MAP3K14: variants seen among roughly 807,000 people sequenced by gnomAD.
MAP3K14 encodes mitogen-activated protein kinase kinase kinase 14.
Under a neutral mutation model 99.2 loss-of-function variants are expected in MAP3K14, and 16 were observed. The ratio of observed to expected loss-of-function variants is 0.16; its 90% CI spans 0.11 to 0.24. The LOEUF (loss-of-function observed/expected upper bound fraction) is 0.24. Among genes scored for constraint, MAP3K14 ranks in the 10% least tolerant of loss-of-function variants. The probability of loss-of-function intolerance (pLI) is 1.00; values close to 1 mark genes in which losing one functional copy is unlikely to be tolerated. For synonymous variants in MAP3K14, 462 were observed against 492.4 expected (o/e 0.94, Z 0.82); for missense variants, 784 against 1,208.7 (o/e 0.65, Z 5.21).
At position 45,270,419 on chromosome 17, in the gene MAP3K14, G is replaced by C. The variant is rs1323168441; in HGVS notation, c.1966C>G (p.Gln656Glu). Residue 656 changes from glutamine to glutamate, a missense_variant, in exon 11 of 16, where the codon CAG (glutamine) becomes GAG (glutamate). Around this residue, in one of 5 missense-constraint regions of MAP3K14, gnomAD observed 200 missense variants for 367.9 expected, o/e 0.54. Transcript: ENST00000344686. Reference protein sequence around the residue: ...ELGGKVNRALQQVGGLKSPWR... With the variant: ...ELGGKVNRALEQVGGLKSPWR... ...AGCGTGGGGCTCTTCCTACCTTGCT[G>C]TAGTGCCCGGTTCACCTTCCCTCCC... is the stretch of plus-strand genomic sequence containing the variant. 1.9e-6 allele frequency: 3 copies of C among 1,611,312 alleles called. No individual in the cohort carries two copies. Among genetic ancestry groups the C allele is most frequent in the Non-Finnish European group, 2.5e-6 (3 of 1,179,446 alleles).
intron 1 of MAP3K14, among the ~76,000 whole-genome samples, chr17:45,305,166 C>T (rs935254567): frequency 3.9e-4 from 58 of 150,120 alleles, no homozygotes; most frequent in East Asian, 2.0e-4. Flanking sequence ...GACGCAATCT[C>T]GGCTCACTGC....
intron 1 of MAP3K14, among the ~76,000 whole-genome samples, chr17:45,307,825 C>T (rs1371500151): frequency 6.6e-6 from 1 of 152,336 alleles, no homozygotes; most frequent in East Asian, 1.9e-4. Flanking sequence ...AAACAAGAAA[C>T]CCAAAGAACT....
chr17:45,308,446 T>G (rs1427043076), intron 1 of MAP3K14, among the ~76,000 whole-genome samples: 2 of 152,098 alleles, frequency 1.3e-5, no homozygotes, highest in East Asian at 3.8e-4. Context: ...CTTGGAGGGG[T>G]GGGAGGTGGT....
intron 14 of MAP3K14, among the ~76,000 whole-genome samples, chr17:45,265,865 T>A (rs1456897731): frequency 1.3e-5 from 2 of 152,270 alleles, no homozygotes; most frequent in African/African-American, 4.8e-5. Flanking sequence ...GAGCTGGGGC[T>A]GGCTCCTATG....
At chr17:45,268,799 C>A (rs761499199) in intron 11 of MAP3K14, among the ~76,000 whole-genome samples, 2 of 152,122 alleles carry the variant, frequency 1.3e-5, no homozygotes, top group African/African-American at 2.4e-5. Flanking sequence ...TCAGGCGTGT[C>A]CCCATATGGA....
At chr17:45,287,424 C>A in intron 3 of MAP3K14, 60 bp from the exon 4 acceptor site, 1 of 1,456,522 alleles carries the variant, frequency 6.9e-7, no homozygotes, top group South Asian at 1.2e-5. Flanking sequence ...ATGGACTGGT[C>A]CAGACACTTG....
chr17:45,294,774 T>A (rs751372450), intron 1 of MAP3K14, among the ~76,000 whole-genome samples: 4 of 152,260 alleles, frequency 2.6e-5, no homozygotes, highest in Non-Finnish European at 5.9e-5. Flanking sequence ...GGCCAGAGAC[T>A]GCCACCTGAC....
At chr17:45,301,833 CTTTT>C (rs34664244) in intron 1 of MAP3K14, among the ~76,000 whole-genome samples, 6 of 134,304 alleles carry the variant, frequency 4.5e-5, no homozygotes, top group African/African-American at 1.1e-4. Flanking sequence ...TCTCAGTTCT[CTTTT>C]TTTTTTTTTT....
At chr17:45,276,313 T>C (rs1567990738) in intron 6 of MAP3K14, among the ~76,000 whole-genome samples, 1 of 152,174 alleles carries the variant, frequency 6.6e-6, no homozygotes, top group Non-Finnish European at 1.5e-5. Flanking sequence ...TGGCTCCGCC[T>C]TTTAAAACAA....
At position 45,266,988 on chromosome 17, in the gene MAP3K14, GCA is replaced by G; in HGVS notation, c.2433+102_2433+103del. On this transcript the variant is annotated intron_variant, in intron 13 of 15. Coordinates refer to ENST00000344686, the MANE Select transcript of MAP3K14 (RefSeq NM_003954.5). ...ATCACCCTCCCTTTACCCACTACTTGCACAGTGTCCATTCACTAGCTGGACGC... is the reference window on the plus strand; with the variant it reads ...ATCACCCTCCCTTTACCCACTACTTGCAGTGTCCATTCACTAGCTGGACGC... The G allele has an allele frequency of 5.7e-6, 5 of 883,794 alleles. No homozygotes were observed. The Middle Eastern group carries it at 1.7e-3, about 294-fold the overall frequency. The allele number at this position is 883,794 out of a possible 1,614,324, so 54.7% of individuals were successfully genotyped here.
intron 1 of MAP3K14, among the ~76,000 whole-genome samples, chr17:45,311,333 G>A (rs1479697148): frequency 6.6e-6 from 1 of 152,212 alleles, no homozygotes; most frequent in Non-Finnish European, 1.5e-5. Context: ...TAGTCTGCCA[G>A]AGACAGGGAA....
chr17:45,267,313 A>AAAGCCC lies in MAP3K14; in HGVS notation c.2326+87_2326+92dup. 6.9e-7 allele frequency: 1 copy of AAAGCCC among 1,443,056 alleles called. No individual in the cohort carries two copies. Among genetic ancestry groups the AAAGCCC allele is most frequent in the Non-Finnish European group, 9.5e-7 (1 of 1,051,096 alleles). 89.4% of individuals were successfully genotyped at this position (1,443,056 alleles called of 1,614,324 possible). ...GAGCTGCTGGGGAAGGGGCTGGAAG[A>AAAGCCC]AAGCCCACACCGCAGGTAAAGAGAA... On this transcript the variant is annotated intron_variant, in intron 12 of 15. Transcript: ENST00000344686. The surrounding 1 kb of genome is among the most constrained non-coding windows in gnomAD (Gnocchi z 5.1).
chr17:45,274,395 A>C, intron 7 of MAP3K14, 69 bp downstream of exon 7: 1 of 1,599,700 alleles, frequency 6.3e-7, no homozygotes, highest in Admixed American at 1.7e-5. Context: ...ACCAAGGCCA[A>C]CTTGGGCAAG....
chr17:45,282,234 G>A (rs1432052525), intron 6 of MAP3K14: 1 of 152,036 alleles, frequency 6.6e-6, no homozygotes, highest in Admixed American at 6.6e-5. Flanking sequence ...ACTGTACCCA[G>A]CCTGGACTTT....
intron 2 of MAP3K14, among the ~76,000 whole-genome samples, chr17:45,289,591 T>G (rs776710582): frequency 9.2e-5 from 14 of 152,230 alleles, no homozygotes; most frequent in Non-Finnish European, 2.1e-4. Context: ...CCTATGAAGC[T>G]GAAGTGAGAT....
At chr17:45,274,885 C>T (rs960511772) in intron 6 of MAP3K14, among the ~76,000 whole-genome samples, 8 of 152,230 alleles carry the variant, frequency 5.3e-5, no homozygotes, top group Admixed American at 5.2e-4. Context: ...TGCCTATAAT[C>T]CCAGCACTTT....
Position 45,286,388 on chromosome 17 carries a change from T to C in MAP3K14, c.1152+43A>G. The C allele has an allele frequency of 6.6e-7, 1 of 1,516,566 alleles. No homozygotes were observed. Among genetic ancestry groups the C allele is most frequent in the Non-Finnish European group, 8.8e-7 (1 of 1,130,658 alleles). 93.9% of individuals were successfully genotyped at this position (1,516,566 alleles called of 1,614,324 possible). A position where few individuals can be genotyped will look rare whatever the true frequency, so the allele number is the denominator to read the frequency against. On this transcript the variant is annotated intron_variant, in intron 5 of 15. Transcript: ENST00000344686. This position sits in a 1 kb window ranked among gnomAD's most constrained non-coding sequence, Gnocchi z 4.1. ...TAAAGAGAGAAAAGCATCCCCCAGG[T>C]TGCTGGTAGAGGGACATATACAGGT...
chr17:45,308,125 A>G (rs2044444050), intron 1 of MAP3K14, among the ~76,000 whole-genome samples: 1 of 152,260 alleles, frequency 6.6e-6, no homozygotes, highest in Non-Finnish European at 1.5e-5. Context: ...AGGGTAAATC[A>G]TGAAACAGCC....
intron 1 of MAP3K14, among the ~76,000 whole-genome samples, chr17:45,311,708 G>A (rs1014139269): frequency 2.0e-5 from 3 of 152,148 alleles, no homozygotes; most frequent in Non-Finnish European, 4.4e-5. Flanking sequence ...CTTTACAATC[G>A]CTGGAGCTCT....
Sources: gnomAD v4.1 joint callset for allele counts (sites outside exome capture counted in the v4.1 genomes callset) on GRCh38, gnomAD v4.1.1 for gene constraint, gnomAD v4.1.1 regional missense constraint, Gnocchi (gnomAD v3.1) non-coding constraint, MANE v1.5 for transcripts, NCBI Gene and HGNC (gene_info 2026-07-23, HGNC 2026-07-21) for gene names.